The following ATRNL1 variants were observed in gnomAD, a reference collection of about 807,000 sequenced individuals.
ATRNL1 encodes the protein attractin like 1.
Under a neutral mutation model 182.7 loss-of-function variants are expected in ATRNL1, and 95 were observed. The observed-to-expected ratio is 0.52, with a 90% confidence interval of 0.44 to 0.62. The LOEUF (loss-of-function observed/expected upper bound fraction) is 0.62. Among genes scored for constraint, ATRNL1 ranks in the 20% least tolerant of loss-of-function variants. ATRNL1 has a pLI of 0.00. For missense variants in ATRNL1, 1,471 were observed against 1,679.5 expected (o/e 0.88, Z 2.17); for synonymous variants, 576 against 568.3 (o/e 1.01, Z -0.19).
chr10:115,845,528 T>G (rs1376647954), intron 27 of ATRNL1, among the ~76,000 whole-genome samples: 1 of 152,028 alleles, frequency 6.6e-6, no homozygotes, highest in Non-Finnish European at 1.5e-5. Flanking sequence ...TTTGATGTTT[T>G]GAAATATTTT....
intron 19 of ATRNL1, among the ~76,000 whole-genome samples, chr10:115,386,816 C>A (rs1220549065): frequency 4.4e-5 from 4 of 90,692 alleles, no homozygotes; most frequent in Non-Finnish European, 6.1e-5. Flanking sequence ...CCTCCCCCCT[C>A]CCCCCACCCC....
At chr10:115,502,031 G>A (rs1356642695) in intron 24 of ATRNL1, among the ~76,000 whole-genome samples, 2 of 152,096 alleles carry the variant, frequency 1.3e-5, no homozygotes, top group African/African-American at 4.8e-5. Context: ...TTTTAAGATA[G>A]CCAAAGTTTA....
chr10:115,276,361 C>T (rs1852104773), intron 13 of ATRNL1, among the ~76,000 whole-genome samples: 1 of 152,110 alleles, frequency 6.6e-6, no homozygotes, highest in Non-Finnish European at 1.5e-5. Flanking sequence ...TACAACATAT[C>T]TGAGTGAAAA....
intron 10 of ATRNL1, among the ~76,000 whole-genome samples, chr10:115,257,166 G>T (rs1161647806): frequency 6.6e-6 from 1 of 152,198 alleles, no homozygotes; most frequent in Non-Finnish European, 1.5e-5. Flanking sequence ...GCAGAGCTGA[G>T]TTCAAGTCCT....
intron 19 of ATRNL1, among the ~76,000 whole-genome samples, chr10:115,369,034 A>G (rs1160789839): frequency 1.3e-5 from 2 of 152,040 alleles, no homozygotes; most frequent in African/African-American, 4.8e-5. Context: ...GATTTTAGAT[A>G]CTGCATACGA....
intron 28 of ATRNL1, among the ~76,000 whole-genome samples, chr10:115,924,125 T>G (rs1953148647): frequency 6.6e-6 from 1 of 152,190 alleles, no homozygotes; most frequent in Non-Finnish European, 1.5e-5. Context: ...TTTGCTTAAG[T>G]TCCTTGTAAA....
chr10:115,338,993 A>T (rs920512185), intron 19 of ATRNL1, among the ~76,000 whole-genome samples: 1 of 152,036 alleles, frequency 6.6e-6, no homozygotes, highest in African/African-American at 2.4e-5. Flanking sequence ...TTTCCCCAGT[A>T]TATGTTCTGG....
chr10:115,238,873 A>G (rs79225121), intron 9 of ATRNL1, among the ~76,000 whole-genome samples: 2,371 of 152,290 alleles, frequency 0.016, 52 homozygotes, highest in African/African-American at 0.053. Flanking sequence ...TGATGTTTTT[A>G]TAGATGTTTA....
At chr10:115,235,733 G>T (rs1469186225) in intron 9 of ATRNL1, among the ~76,000 whole-genome samples, 3 of 152,074 alleles carry the variant, frequency 2.0e-5, no homozygotes, top group Non-Finnish European at 4.4e-5. Flanking sequence ...CTTGGTAAAA[G>T]TGGTATATTT....
chr10:115,161,054 A>G (rs180898540), intron 6 of ATRNL1, among the ~76,000 whole-genome samples: 5 of 151,858 alleles, frequency 3.3e-5, no homozygotes, highest in Admixed American at 3.3e-4. Context: ...ATATATATAT[A>G]TTTTTTACAA....
intron 18 of ATRNL1, among the ~76,000 whole-genome samples, chr10:115,330,443 A>T (rs183799275): frequency 0.013 from 1,958 of 152,072 alleles, 37 homozygotes; most frequent in African/African-American, 0.044. Context: ...ACAACTCCTG[A>T]AAGTATTTTT....
rs141421135 is a variant in ATRNL1, at chr10:115,821,953, C to T, written c.3904-25924C>T. On this transcript the variant is annotated intron_variant, in intron 27 of 28. Transcript: ENST00000355044. ...AGATAATAGACATCTACAGAACTCT[C>T]CACCCCAAATCAACAGAATATACAA... Among the ~76,000 whole-genome samples the T allele has an allele frequency of 6.1e-3, 934 of 152,270 alleles. 8 individuals are homozygous for T. The highest frequency in any genetic ancestry group is 0.021 in the African/African-American group (880 of 41,542).
intron 9 of ATRNL1, among the ~76,000 whole-genome samples, chr10:115,225,945 GA>G (rs370477071): frequency 2.4e-4 from 36 of 151,080 alleles, no homozygotes; most frequent in African/African-American, 7.7e-4. Flanking sequence ...ATTTCCAAAA[GA>G]AAAACTTTAG....
At chr10:115,748,111 C>T (rs1460489938) in intron 27 of ATRNL1, among the ~76,000 whole-genome samples, 10 of 151,966 alleles carry the variant, frequency 6.6e-5, no homozygotes, top group Admixed American at 5.9e-4. Context: ...ACCATTCCTA[C>T]AGTGGTTGTA....
intron 10 of ATRNL1, among the ~76,000 whole-genome samples, chr10:115,257,291 G>C (rs1851190375): frequency 6.6e-6 from 1 of 152,178 alleles, no homozygotes; most frequent in Non-Finnish European, 1.5e-5. Flanking sequence ...CCAAGGGCTT[G>C]CTTTATCAGT....
chr10:115,298,195 T>C (rs782399968), intron 15 of ATRNL1, among the ~76,000 whole-genome samples: 2 of 152,130 alleles, frequency 1.3e-5, no homozygotes, highest in Non-Finnish European at 2.9e-5. Context: ...TTTTGGCAAA[T>C]AAAGATTGAC....
chr10:115,558,907 C>A (rs1196400929), intron 26 of ATRNL1, among the ~76,000 whole-genome samples: 3 of 152,116 alleles, frequency 2.0e-5, no homozygotes, highest in Non-Finnish European at 4.4e-5. Context: ...TCTCATCCCC[C>A]CAGCTCCCTT....
chr10:115,512,010 C>T (rs1316560598), intron 24 of ATRNL1, among the ~76,000 whole-genome samples: 5 of 151,722 alleles, frequency 3.3e-5, no homozygotes, highest in East Asian at 1.9e-4. Context: ...TTACCGAAGA[C>T]AGAATTACAA....
At chr10:115,860,176 A>T (rs1372790974) in intron 28 of ATRNL1, among the ~76,000 whole-genome samples, 1 of 152,220 alleles carries the variant, frequency 6.6e-6, no homozygotes, top group Non-Finnish European at 1.5e-5. Context: ...CCCTGGGATC[A>T]TCATTTAGAA....
Sources: gnomAD v4.1 joint callset for allele counts (sites outside exome capture counted in the v4.1 genomes callset) on GRCh38, gnomAD v4.1.1 for gene constraint, MANE v1.5 for transcripts, NCBI Gene and HGNC (gene_info 2026-07-23, HGNC 2026-07-21) for gene names.